WWOX: variants seen among roughly 807,000 people sequenced by gnomAD.
WWOX encodes WW domain-containing oxidoreductase.
A neutral mutation model predicts 46.2 loss-of-function variants in WWOX; 69 were observed. The observed-to-expected ratio is 1.49, with a 90% CI of 1.23 to 1.82. WWOX has a LOEUF of 1.82. Among genes scored for constraint, WWOX ranks in the 40% most tolerant of loss-of-function variants. The pLI is 0.00. For missense variants in WWOX, 919 were observed against 542.6 expected (o/e 1.69, Z -6.89); for synonymous variants, 359 against 202.6 (o/e 1.77, Z -6.56).
At chr16:78,561,195 C>T (rs1381972177) in intron 8 of WWOX, among the ~76,000 whole-genome samples, 3 of 152,186 alleles carry the variant, frequency 2.0e-5, no homozygotes, top group Middle Eastern at 3.4e-3. Flanking sequence ...TGACTTTTGG[C>T]CCCCTGCATC....
At chr16:78,511,103 G>C (rs1597189885) in intron 8 of WWOX, among the ~76,000 whole-genome samples, 1 of 152,178 alleles carries the variant, frequency 6.6e-6, no homozygotes. Flanking sequence ...AGTCCTTTAT[G>C]ATTAGCAAAT....
chr16:78,838,037 G>A (rs373763516), intron 8 of WWOX, among the ~76,000 whole-genome samples: 3 of 152,134 alleles, frequency 2.0e-5, no homozygotes, highest in East Asian at 3.9e-4. Flanking sequence ...AGAAAGACTG[G>A]CACAGTTAGA....
chr16:78,746,801 A>G (rs2049358154), intron 8 of WWOX, among the ~76,000 whole-genome samples: 1 of 152,114 alleles, frequency 6.6e-6, no homozygotes, highest in Non-Finnish European at 1.5e-5. Context: ...ATATCAGGCC[A>G]ACCTCAACCA....
chr16:78,560,437 G>A (rs1048203573), intron 8 of WWOX, among the ~76,000 whole-genome samples: 1 of 152,182 alleles, frequency 6.6e-6, no homozygotes, highest in African/African-American at 2.4e-5. Context: ...GAGGTCAGGA[G>A]TTCAAAACCA....
intron 8 of WWOX, among the ~76,000 whole-genome samples, chr16:79,065,152 A>T (rs569394953): frequency 2.0e-5 from 3 of 152,308 alleles, no homozygotes; most frequent in South Asian, 4.1e-4. Context: ...AACCGTAAAA[A>T]CTTGATAGAG....
chr16:78,915,170 C>T (rs2045218124), intron 8 of WWOX, among the ~76,000 whole-genome samples: 1 of 152,056 alleles, frequency 6.6e-6, no homozygotes, highest in African/African-American at 2.4e-5. Flanking sequence ...CTTCATGTGC[C>T]TCCCCATTCA....
At chr16:78,724,404 T>G (rs1323205077) in intron 8 of WWOX, among the ~76,000 whole-genome samples, 3 of 152,250 alleles carry the variant, frequency 2.0e-5, no homozygotes, top group Non-Finnish European at 4.4e-5. Flanking sequence ...CTGCTTTTCC[T>G]TGTTCCAGAA....
intron 8 of WWOX, among the ~76,000 whole-genome samples, chr16:78,837,100 G>A (rs775755944): frequency 6.6e-6 from 1 of 152,052 alleles, no homozygotes; most frequent in African/African-American, 2.4e-5. Context: ...GCTTAGGGAG[G>A]GGGGAGAAGA....
intron 8 of WWOX, among the ~76,000 whole-genome samples, chr16:78,797,006 A>C (rs1212389231): frequency 2.0e-5 from 3 of 151,824 alleles, no homozygotes; most frequent in Non-Finnish European, 2.9e-5. Context: ...TTGTATTTTT[A>C]GTAGTGCCGG....
intron 5 of WWOX, among the ~76,000 whole-genome samples, chr16:78,164,645 C>A (rs1046225458): frequency 6.6e-6 from 1 of 152,012 alleles, no homozygotes; most frequent in East Asian, 1.9e-4. Context: ...AGGCTTTAAC[C>A]CTATCTCTAA....
chr16:78,382,302 G>A (rs570875992), intron 5 of WWOX, among the ~76,000 whole-genome samples: 1 of 152,322 alleles, frequency 6.6e-6, no homozygotes, highest in Admixed American at 6.5e-5. Flanking sequence ...TCACTATTAA[G>A]TGGAAGTCTT....
intron 8 of WWOX, among the ~76,000 whole-genome samples, chr16:78,778,000 G>A (rs1194920732): frequency 4.2e-5 from 6 of 143,206 alleles, no homozygotes; most frequent in Admixed American, 2.2e-4. Flanking sequence ...AGCCAAGATC[G>A]CATCACTGCA....
chr16:78,860,950 G>A (rs752099658), intron 8 of WWOX, among the ~76,000 whole-genome samples: 1 of 152,040 alleles, frequency 6.6e-6, no homozygotes, highest in Non-Finnish European at 1.5e-5. Flanking sequence ...TGAGTAGCTG[G>A]GACTACAGGC....
chr16:78,468,350 C>A (rs996548247), intron 8 of WWOX, among the ~76,000 whole-genome samples: 9 of 151,030 alleles, frequency 6.0e-5, no homozygotes, highest in Non-Finnish European at 1.2e-4. Context: ...CTGCTGGCTT[C>A]TCATACCAGC....
At chr16:78,858,518 A>G (rs1199612196) in intron 8 of WWOX, among the ~76,000 whole-genome samples, 2 of 152,304 alleles carry the variant, frequency 1.3e-5, no homozygotes, top group Non-Finnish European at 1.5e-5. Flanking sequence ...GTGTATTTTC[A>G]TAAAATGATT....
chr16:78,331,156 G>A (rs1470552256), intron 5 of WWOX, among the ~76,000 whole-genome samples: 1 of 152,118 alleles, frequency 6.6e-6, no homozygotes, highest in African/African-American at 2.4e-5. Context: ...GTTTGTGTCT[G>A]TAATTTGGAA....
chr16:78,624,981 G>A (rs1360464772), intron 8 of WWOX, among the ~76,000 whole-genome samples: 1 of 152,068 alleles, frequency 6.6e-6, no homozygotes, highest in Non-Finnish European at 1.5e-5. Flanking sequence ...CCTGGTTAAT[G>A]TCCCCGCTGA....
intron 8 of WWOX, among the ~76,000 whole-genome samples, chr16:78,726,697 G>T (rs2048845071): frequency 7.0e-6 from 1 of 143,354 alleles, no homozygotes; most frequent in African/African-American, 2.8e-5. Context: ...AGGGTTAGTT[G>T]GTTGGTTGGT....
intron 8 of WWOX, among the ~76,000 whole-genome samples, chr16:79,007,617 C>G (rs913847183): frequency 1.8e-4 from 28 of 152,192 alleles, no homozygotes; most frequent in African/African-American, 5.8e-4. Flanking sequence ...AAGCTAAGCA[C>G]TTTAAAATTA....
Sources: gnomAD v4.1 joint callset for allele counts (sites outside exome capture counted in the v4.1 genomes callset) on GRCh38, gnomAD v4.1.1 for gene constraint, MANE v1.5 for transcripts, NCBI Gene and HGNC (gene_info 2026-07-23, HGNC 2026-07-21) for gene names.